FBXO36: variants seen among roughly 807,000 people sequenced by gnomAD.
FBXO36 encodes F-box only protein 36.
Under a neutral mutation model 17.0 loss-of-function variants are expected in FBXO36, and 18 were observed. That is an observed-to-expected ratio of 1.06 (90% CI 0.73 to 1.57). FBXO36 has a LOEUF of 1.57. Ranked by LOEUF, FBXO36 falls within the 40% of genes most tolerant of loss-of-function variation. The pLI is 0.00. For missense variants in FBXO36, 229 were observed against 221.9 expected, an observed-to-expected ratio of 1.03 and a Z score of -0.20; for synonymous variants, 83 against 85.3, an observed-to-expected ratio of 0.97 and a Z score of 0.15.
intron 1 of FBXO36, among the ~76,000 whole-genome samples, chr2:229,958,576 C>T (rs1031933734): frequency 6.6e-6 from 1 of 151,940 alleles, no homozygotes; most frequent in Non-Finnish European, 1.5e-5. Context: ...GCCGAGGGCT[C>T]TGAATTTCTT....
intron 1 of FBXO36, among the ~76,000 whole-genome samples, chr2:229,951,321 A>G (rs1176778995): frequency 7.2e-6 from 1 of 138,416 alleles, no homozygotes; most frequent in Non-Finnish European, 1.6e-5. Context: ...TCGGCTCACT[A>G]CAACCTCCGC....
chr2:229,929,793 A>T (rs560682121), intron 1 of FBXO36, among the ~76,000 whole-genome samples: 2 of 152,248 alleles, frequency 1.3e-5, no homozygotes, highest in East Asian at 3.9e-4. Flanking sequence ...CAGGAGGTGG[A>T]GGTTGCAGTG....
intron 1 of FBXO36, among the ~76,000 whole-genome samples, chr2:229,925,039 CT>C (rs2076903180): frequency 6.6e-6 from 1 of 151,914 alleles, no homozygotes; most frequent in African/African-American, 2.4e-5. Flanking sequence ...CCTAACTACT[CT>C]TTTTTAAGAA....
At chr2:229,985,364 T>C (rs1461838739) in intron 2 of FBXO36, among the ~76,000 whole-genome samples, 1 of 152,220 alleles carries the variant, frequency 6.6e-6, no homozygotes, top group Non-Finnish European at 1.5e-5. Flanking sequence ...GGTGTTTTCT[T>C]ACCCCTTTTG....
intron 2 of FBXO36, among the ~76,000 whole-genome samples, chr2:229,992,658 A>G (rs1489648651): frequency 6.6e-6 from 1 of 152,314 alleles, no homozygotes; most frequent in Middle Eastern, 3.4e-3. Context: ...CCAAGTCTTT[A>G]TCATCTATTG....
At chr2:229,971,180 C>A (rs1052841789) in intron 1 of FBXO36, among the ~76,000 whole-genome samples, 1 of 151,976 alleles carries the variant, frequency 6.6e-6, no homozygotes, top group African/African-American at 2.4e-5. Context: ...ATGGTAAAAC[C>A]CCGTCTCTAC....
chr2:229,930,473 G>A (rs1375884372), intron 1 of FBXO36, among the ~76,000 whole-genome samples: 1 of 152,020 alleles, frequency 6.6e-6, no homozygotes, highest in African/African-American at 2.4e-5. Context: ...GCTTTAGGCT[G>A]GGCACGGTGA....
chr2:229,960,100 A>G (rs2077112628), intron 1 of FBXO36, among the ~76,000 whole-genome samples: 1 of 151,780 alleles, frequency 6.6e-6, no homozygotes, highest in Admixed American at 6.6e-5. Flanking sequence ...TGATATTATA[A>G]TTATTTATTA....
intron 1 of FBXO36, among the ~76,000 whole-genome samples, chr2:229,939,774 C>T (rs879799077): frequency 5.9e-5 from 9 of 152,304 alleles, no homozygotes; most frequent in Admixed American, 1.3e-4. Context: ...ACAGCAGCTC[C>T]TCGAGACCCT....
intron 1 of FBXO36, among the ~76,000 whole-genome samples, chr2:229,957,937 C>T (rs78483999): frequency 0.04 from 6,148 of 152,180 alleles, 420 homozygotes; most frequent in African/African-American, 0.14. Context: ...GAAGTATAGA[C>T]ACCTTCAAGT....
rs2077421435 is a variant in FBXO36 at position 230,012,593 on chromosome 2, A to G, written c.*1709A>G. ...GCTAGGGCAGGTACAGGTAAAGGTAACCAGCAGGCAGCTGAGAGCAAGAAG... is the reference window on the plus strand; with the variant it reads ...GCTAGGGCAGGTACAGGTAAAGGTAGCCAGCAGGCAGCTGAGAGCAAGAAG... On this transcript the variant is annotated 3_prime_UTR_variant, in exon 4 of 4. Transcript: ENST00000283946. 1 of 151,924 alleles carries G rather than the reference A, an allele frequency of 6.6e-6. No homozygotes were observed. Among genetic ancestry groups the G allele is most frequent in the South Asian group, 2.1e-4 (1 of 4,828 alleles). The allele number at this position is 151,924 out of a possible 1,614,324, so 9.4% of individuals were successfully genotyped here.
chr2:229,943,644 G>A (rs562111561), intron 1 of FBXO36, among the ~76,000 whole-genome samples: 13 of 152,118 alleles, frequency 8.5e-5, no homozygotes, highest in Non-Finnish European at 1.9e-4. Flanking sequence ...GCCCTGGCCC[G>A]TGGGCAACCT....
chr2:229,935,771 T>C (rs1396276328), intron 1 of FBXO36, among the ~76,000 whole-genome samples: 1 of 152,166 alleles, frequency 6.6e-6, no homozygotes, highest in Non-Finnish European at 1.5e-5. Flanking sequence ...TTCAGCTCAT[T>C]CCGTTACCAA....
chr2:230,011,954 A>C lies in FBXO36; in HGVS notation c.*1070A>C, dbSNP rs1406957017. ...ACTTCACTGAGAAGGCTTACTTAAAAATGTTTTTCTCCCTGCACTTTCATG... is the reference window on the plus strand; with the variant it reads ...ACTTCACTGAGAAGGCTTACTTAAACATGTTTTTCTCCCTGCACTTTCATG... On this transcript the variant is annotated 3_prime_UTR_variant, in exon 4 of 4. Transcript: ENST00000283946. 1.3e-5 allele frequency: 2 copies of C among 152,172 alleles called. No homozygotes were observed. The highest frequency in any genetic ancestry group is 1.5e-5 in the Non-Finnish European group (1 of 68,032). 9.4% of individuals were successfully genotyped at this position (152,172 alleles called of 1,614,324 possible).
At chr2:229,989,154 T>C (rs1423103458) in intron 2 of FBXO36, among the ~76,000 whole-genome samples, 1 of 152,218 alleles carries the variant, frequency 6.6e-6, no homozygotes, top group Non-Finnish European at 1.5e-5. Flanking sequence ...ACTGATCTTT[T>C]TTCAGTAGGA....
intron 2 of FBXO36, among the ~76,000 whole-genome samples, chr2:229,995,990 A>C (rs1161152447): frequency 6.6e-6 from 1 of 151,960 alleles, no homozygotes; most frequent in Non-Finnish European, 1.5e-5. Flanking sequence ...GTATAAAAAT[A>C]ACAGGCTGGG....
At chr2:229,946,154 A>C (rs960127862) in intron 1 of FBXO36, among the ~76,000 whole-genome samples, 4 of 152,170 alleles carry the variant, frequency 2.6e-5, no homozygotes, top group African/African-American at 9.7e-5. Context: ...CTGAGACCAT[A>C]GGACTGTACT....
intron 1 of FBXO36, among the ~76,000 whole-genome samples, chr2:229,954,355 G>A (rs1377021914): frequency 7.0e-6 from 1 of 143,412 alleles, no homozygotes; most frequent in Non-Finnish European, 1.5e-5. Context: ...CAATTCTCCT[G>A]CCTCAGCCTC....
intron 2 of FBXO36, among the ~76,000 whole-genome samples, chr2:229,984,393 T>G (rs1379486248): frequency 6.7e-6 from 1 of 150,150 alleles, no homozygotes; most frequent in African/African-American, 2.4e-5. Flanking sequence ...TAGGTTTTAT[T>G]TTTTTTTTAT....
Sources: gnomAD v4.1 joint callset for allele counts (sites outside exome capture counted in the v4.1 genomes callset) on GRCh38, gnomAD v4.1.1 for gene constraint, MANE v1.5 for transcripts, NCBI Gene and HGNC (gene_info 2026-07-23, HGNC 2026-07-21) for gene names.